BAALC: variants seen among roughly 807,000 people sequenced by gnomAD.
The protein encoded by BAALC is BAALC binder of MAP3K1 and KLF4, also known as brain and acute leukemia cytoplasmic protein.
A neutral mutation model predicts 15.5 loss-of-function variants in BAALC; 9 were observed. That is an observed-to-expected ratio of 0.58 (90% CI 0.35 to 1.02). The LOEUF (loss-of-function observed/expected upper bound fraction) is 1.02. BAALC is among the 50% of genes least tolerant of loss of function. The pLI, the probability that BAALC is intolerant of heterozygous loss-of-function variation, is 0.02. For synonymous variants in BAALC, 80 were observed against 74.6 expected, an observed-to-expected ratio of 1.07 and a Z score of -0.37; for missense variants, 201 against 192.4, an observed-to-expected ratio of 1.04 and a Z score of -0.27.
rs536277866 is a variant in BAALC at position 103,170,565 on chromosome 8, C to T, written c.160+29508C>T. On this transcript the variant is annotated intron_variant, in intron 1 of 2. Coordinates refer to ENST00000309982, the MANE Select transcript of BAALC (RefSeq NM_024812.3). ...AGATTGAAGTGATGCATCTACAAAC[C>T]AAGGAACACTACGGACTGTCCACAG... is the stretch of plus-strand genomic sequence containing the variant. 1.0e-3 allele frequency among the ~76,000 whole-genome samples: 152 copies of T among 152,240 alleles called. 1 individual carries two copies. Among genetic ancestry groups the T allele is most frequent in the Middle Eastern group, 3.4e-3 (1 of 294 alleles).
At chr8:103,166,219 T>C (rs753590814) in intron 1 of BAALC, 2 of 152,788 alleles carry the variant, frequency 1.3e-5, no homozygotes, top group Non-Finnish European at 2.9e-5. Flanking sequence ...ATTCTTAGAG[T>C]CATTCACTTC....
chr8:103,226,789 A>AGTC (rs1812815647), intron 2 of BAALC, among the ~76,000 whole-genome samples: 1 of 152,182 alleles, frequency 6.6e-6, no homozygotes, highest in Non-Finnish European at 1.5e-5. Context: ...ATTTAGTGAC[A>AGTC]GTCATTGTAC....
intron 1 of BAALC, among the ~76,000 whole-genome samples, chr8:103,167,435 GA>G (rs1811373983): frequency 6.6e-6 from 1 of 152,130 alleles, no homozygotes; most frequent in African/African-American, 2.4e-5. Context: ...CTGAAGAACT[GA>G]ATTTTTCACA....
intron 1 of BAALC, chr8:103,165,961 T>G (rs1811336152): frequency 6.6e-6 from 1 of 152,286 alleles, no homozygotes; most frequent in Non-Finnish European, 1.5e-5. Context: ...CAGCTGTGAC[T>G]GTCTCTTCCC....
intron 1 of BAALC, 41 bp downstream of exon 1, chr8:103,141,098 C>T (rs1810763707): frequency 1.4e-6 from 2 of 1,394,164 alleles, no homozygotes; most frequent in Non-Finnish European, 1.9e-6. Flanking sequence ...CCGCCCGCTA[C>T]CCCGGGCGCC....
intron 1 of BAALC, among the ~76,000 whole-genome samples, chr8:103,195,986 G>T (rs1812087453): frequency 6.6e-6 from 1 of 152,134 alleles, no homozygotes; most frequent in Non-Finnish European, 1.5e-5. Context: ...AGTCTGGGAA[G>T]GTGCCCCTTT....
intron 1 of BAALC, among the ~76,000 whole-genome samples, chr8:103,175,106 C>A (rs1264145361): frequency 6.6e-6 from 1 of 152,202 alleles, no homozygotes; most frequent in Non-Finnish European, 1.5e-5. Context: ...GCCCTCCCTG[C>A]CCTAAACAGT....
At chr8:103,220,158 T>G (rs1385008246) in intron 2 of BAALC, among the ~76,000 whole-genome samples, 4 of 152,040 alleles carry the variant, frequency 2.6e-5, no homozygotes, top group African/African-American at 9.7e-5. Flanking sequence ...GAATTTAGAG[T>G]GAGCTTTGGC....
intron 1 of BAALC, among the ~76,000 whole-genome samples, chr8:103,157,702 CTA>C (rs1811128591): frequency 6.6e-6 from 1 of 152,070 alleles, no homozygotes; most frequent in Non-Finnish European, 1.5e-5. Flanking sequence ...GTAGTCCCAG[CTA>C]TTCTGGAGGC....
At chr8:103,197,881 C>T (rs1812129810) in intron 1 of BAALC, among the ~76,000 whole-genome samples, 1 of 152,198 alleles carries the variant, frequency 6.6e-6, no homozygotes. Context: ...CACCCAGCCC[C>T]ACCTCCAACA....
intron 2 of BAALC, among the ~76,000 whole-genome samples, chr8:103,218,882 G>A (rs1479851408): frequency 2.0e-5 from 3 of 152,184 alleles, no homozygotes; most frequent in South Asian, 2.1e-4. Flanking sequence ...ACAGAGATAG[G>A]AGACCTGATC....
chr8:103,224,719 A>G (rs1373595289), intron 2 of BAALC, among the ~76,000 whole-genome samples: 1 of 152,206 alleles, frequency 6.6e-6, no homozygotes, highest in Non-Finnish European at 1.5e-5. Flanking sequence ...GGGATTCTCT[A>G]TAGAATGTGG....
intron 1 of BAALC, among the ~76,000 whole-genome samples, chr8:103,192,485 A>C (rs983296872): frequency 2.6e-5 from 4 of 152,222 alleles, no homozygotes; most frequent in Admixed American, 1.3e-4. Context: ...ATACGGGATT[A>C]TCCTTATTAA....
intron 1 of BAALC, among the ~76,000 whole-genome samples, chr8:103,207,346 G>C (rs748998081): frequency 6.6e-6 from 1 of 152,188 alleles, no homozygotes; most frequent in Non-Finnish European, 1.5e-5. Flanking sequence ...AAGTGGCTTG[G>C]AATTCCAGCG....
At chr8:103,158,200 A>AT (rs1204324037) in intron 1 of BAALC, among the ~76,000 whole-genome samples, 2 of 152,046 alleles carry the variant, frequency 1.3e-5, no homozygotes, top group Admixed American at 1.3e-4. Flanking sequence ...AGAGTTTCTA[A>AT]TTTTTTGGAT....
At chr8:103,167,656 A>T (rs1358952970) in intron 1 of BAALC, among the ~76,000 whole-genome samples, 1 of 152,216 alleles carries the variant, frequency 6.6e-6, no homozygotes, top group Non-Finnish European at 1.5e-5. Context: ...GCCTTGAGGC[A>T]GGAAGAGTTT....
intron 1 of BAALC, among the ~76,000 whole-genome samples, chr8:103,160,692 A>G (rs1811205448): frequency 6.6e-6 from 1 of 152,180 alleles, no homozygotes; most frequent in South Asian, 2.1e-4. Context: ...AAGGTCCCAC[A>G]ATAGGCTGTC....
intron 1 of BAALC, among the ~76,000 whole-genome samples, chr8:103,171,295 AGGG>A (rs796906364): frequency 4.1e-5 from 6 of 145,970 alleles, no homozygotes; most frequent in Non-Finnish European, 7.5e-5. Flanking sequence ...GAGAGAAGGA[AGGG>A]GGGAGGGAGG....
At chr8:103,213,818 C>T (rs1180612158) in intron 2 of BAALC, among the ~76,000 whole-genome samples, 2 of 152,150 alleles carry the variant, frequency 1.3e-5, no homozygotes, top group Non-Finnish European at 2.9e-5. Flanking sequence ...ACCCTAGGCT[C>T]CATACCCATT....
Sources: gnomAD v4.1 joint callset for allele counts (sites outside exome capture counted in the v4.1 genomes callset) on GRCh38, gnomAD v4.1.1 for gene constraint, MANE v1.5 for transcripts, NCBI Gene and HGNC (gene_info 2026-07-23, HGNC 2026-07-21) for gene names.